IQCH: variants seen among roughly 807,000 people sequenced by gnomAD.
IQCH encodes the protein IQ motif containing H.
Under a neutral mutation model 117.0 loss-of-function variants are expected in IQCH, and 98 were observed. The ratio of observed to expected loss-of-function variants is 0.84; its 90% confidence interval spans 0.71 to 0.99. IQCH has a LOEUF of 0.99. IQCH is among the 50% of genes least tolerant of loss of function. IQCH has a pLI of 0.00. For missense variants in IQCH, 1,102 were observed against 1,243.8 expected, an observed-to-expected ratio of 0.89 and a Z score of 1.72; for synonymous variants, 412 against 448.2, an observed-to-expected ratio of 0.92 and a Z score of 1.02.
chr15:67,425,205 T>C lies in IQCH; in HGVS notation c.2505+3628T>C, dbSNP rs993722612. On this transcript the variant is annotated intron_variant, in intron 16 of 20. Transcript: ENST00000335894. This position sits in a 1 kb window ranked among gnomAD's most constrained non-coding sequence, Gnocchi z 5.5. Reference sequence around the variant, plus strand: ...TTGATTTGCTGGAGCTCTTTGTATATTGGAAACTGTCATTCTTTGACTATT... The same window carrying C: ...TTGATTTGCTGGAGCTCTTTGTATACTGGAAACTGTCATTCTTTGACTATT... Among the ~76,000 whole-genome samples the C allele has an allele frequency of 2.6e-5, 4 of 152,258 alleles. No homozygotes were observed. Among genetic ancestry groups the C allele is most frequent in the Non-Finnish European group, 4.4e-5 (3 of 68,046 alleles).
intron 14 of IQCH, among the ~76,000 whole-genome samples, 186 bp downstream of exon 14, chr15:67,400,491 C>CTTTTCTTTTTTTTT (rs776111763): frequency 0.75 from 85,908 of 114,580 alleles, 30,950 homozygotes; most frequent in African/African-American, 0.8. Context: ...TCTTTTTTTT[C>CTTTTCTTTTTTTTT]TTTTTTTTTT....
chr15:67,279,909 G>A (rs888414279), intron 4 of IQCH, among the ~76,000 whole-genome samples: 1 of 151,986 alleles, frequency 6.6e-6, no homozygotes, highest in African/African-American at 2.4e-5. Context: ...GGTGGTACTC[G>A]GGAGGCTGAG....
At chr15:67,320,082 A>G (rs1455275062) in intron 4 of IQCH, among the ~76,000 whole-genome samples, 2 of 152,242 alleles carry the variant, frequency 1.3e-5, no homozygotes, top group East Asian at 1.9e-4. Context: ...CTGATACAGC[A>G]TAGAAATTAT....
At chr15:67,492,508 A>C (rs2083686424) in intron 19 of IQCH, among the ~76,000 whole-genome samples, 1 of 152,208 alleles carries the variant, frequency 6.6e-6, no homozygotes, top group Admixed American at 6.5e-5. Context: ...CAACCAGCTC[A>C]TACCATCAGG....
chr15:67,404,963 A>G lies in IQCH; in HGVS notation c.2097+4658A>G, dbSNP rs1971828014. 2 of 152,210 alleles carry G rather than the reference A, an allele frequency of 1.3e-5. No homozygotes were observed. The highest frequency in any genetic ancestry group is 4.8e-5 in the African/African-American group (2 of 41,444). 9.4% of individuals were successfully genotyped at this position (152,210 alleles called of 1,614,324 possible). ...CCTAAAAAGATAGTACCAATTTCCA[A>G]AGCAACTGGCAGAGAATAAGAATAC... On this transcript the variant is annotated intron_variant, in intron 14 of 20. Coordinates refer to ENST00000335894, the MANE Select transcript of IQCH (RefSeq NM_001031715.3). This position sits in a 1 kb window ranked among gnomAD's most constrained non-coding sequence, Gnocchi z 4.6.
Position 67,255,050 on chromosome 15 carries a change from C to T in IQCH, c.51+103C>T, listed in dbSNP as rs535472464. ...GACGCTCACCCATTTGGTGCGCCGC[C>T]CCTAGACTCCCTCCAACTCGCGAGA... On this transcript the variant is annotated intron_variant, in intron 1 of 20. Transcript: ENST00000335894. The T allele has an allele frequency of 8.1e-5, 90 of 1,114,644 alleles. 1 individual carries two copies. The South Asian group carries it at 1.1e-3, about 13-fold the overall frequency. The allele number at this position is 1,114,644 out of a possible 1,614,324, so 69.0% of individuals were successfully genotyped here. A position where few individuals can be genotyped will look rare whatever the true frequency, so the allele number is the denominator to read the frequency against.
intron 12 of IQCH, among the ~76,000 whole-genome samples, chr15:67,394,561 G>A (rs1400810394): frequency 6.6e-6 from 1 of 152,078 alleles, no homozygotes; most frequent in African/African-American, 2.4e-5. Flanking sequence ...GGTGTATGCT[G>A]TTTTCTCTGC....
At chr15:67,326,981 TGA>T (rs1237973572) in intron 4 of IQCH, among the ~76,000 whole-genome samples, 5 of 152,194 alleles carry the variant, frequency 3.3e-5, no homozygotes, top group African/African-American at 1.2e-4. Context: ...CTGATCAATA[TGA>T]ATATATTTAC....
chr15:67,265,302 C>G (rs1245897540), intron 3 of IQCH, among the ~76,000 whole-genome samples: 3 of 152,238 alleles, frequency 2.0e-5, no homozygotes, highest in Non-Finnish European at 4.4e-5. Context: ...TTGCTCCTTA[C>G]TAAGGTCTGG....
At chr15:67,468,753 T>G (rs1164002808) in intron 17 of IQCH, among the ~76,000 whole-genome samples, 2 of 152,242 alleles carry the variant, frequency 1.3e-5, no homozygotes, top group East Asian at 3.8e-4. Context: ...TTATTTGTGG[T>G]CCCTTACTGC....
intron 8 of IQCH, among the ~76,000 whole-genome samples, chr15:67,363,235 A>ATTTTT (rs368949063): frequency 1.5e-5 from 2 of 133,544 alleles, no homozygotes; most frequent in East Asian, 2.1e-4. Flanking sequence ...ACAAATCTTG[A>ATTTTT]TTTTTTTTTT....
chr15:67,351,761 C>A (rs1969672099), intron 6 of IQCH, among the ~76,000 whole-genome samples: 1 of 152,098 alleles, frequency 6.6e-6, no homozygotes, highest in African/African-American at 2.4e-5. Context: ...GCATAAATAG[C>A]ATTTTGTCTG....
chr15:67,278,807 G>A (rs995698307), intron 3 of IQCH, among the ~76,000 whole-genome samples: 2 of 152,096 alleles, frequency 1.3e-5, no homozygotes, highest in Non-Finnish European at 2.9e-5. Context: ...TAAAGATCTT[G>A]AACTTGCTTT....
intron 10 of IQCH, among the ~76,000 whole-genome samples, chr15:67,375,712 C>A (rs1420078552): frequency 2.0e-5 from 3 of 151,552 alleles, no homozygotes; most frequent in Non-Finnish European, 4.4e-5. Flanking sequence ...AGATTAATTG[C>A]ACACTTTCAA....
intron 18 of IQCH, among the ~76,000 whole-genome samples, chr15:67,486,402 A>T (rs2083481238): frequency 6.6e-6 from 1 of 152,118 alleles, no homozygotes; most frequent in Non-Finnish European, 1.5e-5. Flanking sequence ...TATTGAAAGG[A>T]AAGTCTCTGC....
rs559445685 is a variant in IQCH at position 67,395,861 on chromosome 15, G to T, written c.1905+298G>T. 3.3e-5 allele frequency among the ~76,000 whole-genome samples: 5 copies of T among 152,026 alleles called. No homozygotes were observed. Among genetic ancestry groups the T allele is most frequent in the South Asian group, 4.2e-4 (2 of 4,806 alleles). ...ATTTTTGTATTTTTAGTAGAGATGG[G>T]GTTTCACCATGTTGGCCAGGCTGGT... is the stretch of plus-strand genomic sequence containing the variant. On this transcript the variant is annotated intron_variant, in intron 13 of 20. Transcript: ENST00000335894. The surrounding 1 kb of genome is among the most constrained non-coding windows in gnomAD (Gnocchi z 4.0).
intron 4 of IQCH, among the ~76,000 whole-genome samples, chr15:67,290,525 G>C (rs950240370): frequency 5.9e-5 from 9 of 151,960 alleles, no homozygotes; most frequent in African/African-American, 2.2e-4. Flanking sequence ...TACTCCTGTG[G>C]GTAGTGACTG....
chr15:67,300,052 G>A (rs1966948553), intron 4 of IQCH, among the ~76,000 whole-genome samples: 1 of 151,872 alleles, frequency 6.6e-6, no homozygotes, highest in Admixed American at 6.6e-5. Flanking sequence ...TCATTCCTTT[G>A]CATTTTTTTA....
At chr15:67,415,570 G>A (rs1372179603) in intron 14 of IQCH, among the ~76,000 whole-genome samples, 2 of 152,284 alleles carry the variant, frequency 1.3e-5, no homozygotes, top group African/African-American at 4.8e-5. Flanking sequence ...TTGTCAGTGG[G>A]CACTGGACCT....
Sources: allele counts gnomAD v4.1 joint callset (sites outside exome capture counted in the v4.1 genomes callset), GRCh38; gene constraint gnomAD v4.1.1; non-coding constraint Gnocchi (gnomAD v3.1); transcripts MANE v1.5; gene names NCBI Gene and HGNC (gene_info 2026-07-23, HGNC 2026-07-21).